The following PRSS12 variants were observed in gnomAD, a reference collection of about 807,000 sequenced individuals.
PRSS12 encodes the protein neurotrypsin.
A neutral mutation model predicts 104.4 loss-of-function variants in PRSS12; 85 were observed. The ratio of observed to expected loss-of-function variants is 0.81; its 90% CI spans 0.68 to 0.98. The LOEUF (loss-of-function observed/expected upper bound fraction) is 0.98, where lower values mean the gene tolerates loss of function less well. PRSS12 is among the 50% of genes least tolerant of loss of function. PRSS12 has a pLI of 0.00. For missense variants in PRSS12, 1,141 were observed against 1,139.2 expected (o/e 1.00, Z -0.02); for synonymous variants, 454 against 425.2 (o/e 1.07, Z -0.83).
At position 118,281,850 on chromosome 4, in the gene PRSS12, TTTG is replaced by T. The variant is rs1369126468; in HGVS notation, c.*83_*85del. 7 of 793,536 alleles carry T rather than the reference TTTG, an allele frequency of 8.8e-6. No individual in the cohort carries two copies. Among genetic ancestry groups the T allele is most frequent in the African/African-American group, 5.1e-5 (3 of 59,354 alleles). The allele number at this position is 793,536 out of a possible 1,614,324, so 49.2% of individuals were successfully genotyped here. ...CACAAAGCAAAAACAGATCTTGCCA[TTTG>T]TTGTCATCTCTGCTGAGTGCTAATA... On this transcript the variant is annotated 3_prime_UTR_variant, in exon 13 of 13. Coordinates refer to ENST00000296498, the MANE Select transcript of PRSS12 (RefSeq NM_003619.4).
intron 6 of PRSS12, among the ~76,000 whole-genome samples, chr4:118,314,109 C>T (rs1187755254): frequency 6.6e-6 from 1 of 152,010 alleles, no homozygotes; most frequent in South Asian, 2.1e-4. Flanking sequence ...CTTCTTTCAT[C>T]CTCCCAATTT....
intron 8 of PRSS12, among the ~76,000 whole-genome samples, chr4:118,302,805 C>T (rs941750976): frequency 3.4e-5 from 4 of 116,804 alleles, no homozygotes; most frequent in Admixed American, 9.1e-5. Context: ...TCTATGTTTA[C>T]TTGTATTGTC....
Position 118,280,735 on chromosome 4 carries a change from C to G in PRSS12, c.*1201G>C, listed in dbSNP as rs565676366. ...AAGGTGCATAGTTAAGCAGCTATCC[C>G]TTAACTCTTGGAGAAATAGCCATAG... On this transcript the variant is annotated 3_prime_UTR_variant, in exon 13 of 13. Coordinates refer to ENST00000296498, the MANE Select transcript of PRSS12 (RefSeq NM_003619.4). 17 of 152,336 alleles carry G rather than the reference C, an allele frequency of 1.1e-4. No homozygotes were observed. In the South Asian group the frequency reaches 3.5e-3, roughly 32 times the overall value. 9.4% of individuals were successfully genotyped at this position (152,336 alleles called of 1,614,324 possible).
Position 118,352,903 on chromosome 4 carries a change from C to G in PRSS12, c.-183G>C. On this transcript the variant is annotated 5_prime_UTR_variant, in exon 1 of 13. Coordinates refer to ENST00000296498, the MANE Select transcript of PRSS12 (RefSeq NM_003619.4). ...CCGCCGCTGGTGCCCTGCCGCGCCT[C>G]GGCTCCTGTCCCCTGGCGGCGGCCG... is the stretch of plus-strand genomic sequence containing the variant. 7.2e-7 allele frequency: 1 copy of G among 1,394,134 alleles called. No individual in the cohort carries two copies. The highest frequency in any genetic ancestry group is 9.3e-7 in the Non-Finnish European group (1 of 1,074,758). 86.4% of individuals were successfully genotyped at this position (1,394,134 alleles called of 1,614,324 possible). A position where few individuals can be genotyped will look rare whatever the true frequency, so the allele number is the denominator to read the frequency against.
Position 118,318,440 on chromosome 4 carries a change from G to C in PRSS12, c.1088C>G (p.Ser363Cys). The C allele has an allele frequency of 6.2e-7, 1 of 1,614,064 alleles. No homozygotes were observed. The highest frequency in any genetic ancestry group is 8.5e-7 in the Non-Finnish European group (1 of 1,179,986). Residue 363 changes from serine (S) to cysteine (C), a missense_variant, in exon 5 of 13, where the codon TCC (serine) becomes TGC (cysteine). Coordinates refer to ENST00000296498, the MANE Select transcript of PRSS12 (RefSeq NM_003619.4). Reference sequence around the variant, plus strand: ...ATGGCCACAGTTATGCTCTCCCCAGGAGCTCTTTGGACACTGCTCAATTGA... The same window carrying C: ...ATGGCCACAGTTATGCTCTCCCCAGCAGCTCTTTGGACACTGCTCAATTGA... ...ELSIEQCPKS[S>C]WGEHNCGHKE...
At chr4:118,339,370 T>A (rs1168257470) in intron 1 of PRSS12, among the ~76,000 whole-genome samples, 1 of 152,354 alleles carries the variant, frequency 6.6e-6, no homozygotes, top group East Asian at 1.9e-4. Flanking sequence ...CAAAGTTATG[T>A]ATGGCTTCAT....
intron 1 of PRSS12, among the ~76,000 whole-genome samples, chr4:118,340,271 C>T (rs1724168856): frequency 6.6e-6 from 1 of 152,212 alleles, no homozygotes; most frequent in South Asian, 2.1e-4. Context: ...ATTCATTTAG[C>T]AGTATCTGCT....
rs767904603 is a variant in PRSS12 at position 118,295,763 on chromosome 4, T to C, written c.1916+15A>G. On this transcript the variant is annotated intron_variant, in intron 10 of 12. Transcript: ENST00000296498. ...ATTCTGTAATATAAAAAATCTCTTT[T>C]GGAGGAACATTTACCTTAAAGAATT... is the stretch of plus-strand genomic sequence containing the variant. 10 of 1,602,894 alleles carry C rather than the reference T, an allele frequency of 6.2e-6. No individual in the cohort carries two copies. The Admixed American group carries it at 1.3e-4, about 21-fold the overall frequency.
At chr4:118,310,157 C>CT (rs1743670473) in intron 7 of PRSS12, among the ~76,000 whole-genome samples, 1 of 152,154 alleles carries the variant, frequency 6.6e-6, no homozygotes, top group Non-Finnish European at 1.5e-5. Context: ...TTTGGGAGTT[C>CT]TTTGCAAGAA....
chr4:118,338,221 C>A lies in PRSS12; in HGVS notation c.596G>T (p.Trp199Leu). 1 of 1,614,056 alleles carries A rather than the reference C, an allele frequency of 6.2e-7. No individual in the cohort carries two copies. Among genetic ancestry groups the A allele is most frequent in the Non-Finnish European group, 8.5e-7 (1 of 1,179,952 alleles). Residue 199 changes from tryptophan (W) to leucine (L), a missense_variant, in exon 2 of 13, where the codon TGG (tryptophan) becomes TTG (leucine). Transcript: ENST00000296498. ...AATGACTGATGCATCAGAATCATCC[C>A]AGTGGCTGCTACAGACAGTGCCCCA... is the stretch of plus-strand genomic sequence containing the variant. The part of the protein sequence containing the change: ...GVWGTVCSSH[W>L]DDSDASVICH...
At chr4:118,346,213 C>T (rs746890550) in intron 1 of PRSS12, among the ~76,000 whole-genome samples, 19 of 152,262 alleles carry the variant, frequency 1.2e-4, no homozygotes, top group East Asian at 1.9e-4. Context: ...GTGTACCATG[C>T]TGGAGTCTGC....
chr4:118,342,133 G>A (rs1724230152), intron 1 of PRSS12, among the ~76,000 whole-genome samples: 1 of 152,098 alleles, frequency 6.6e-6, no homozygotes, highest in Admixed American at 6.6e-5. Flanking sequence ...ATGAACGTGT[G>A]GGTGTACACA....
Position 118,335,668 on chromosome 4 carries a change from C to G in PRSS12, c.642-17G>C. 1 of 1,611,324 alleles carries G rather than the reference C, an allele frequency of 6.2e-7. No individual in the cohort carries two copies. Reference sequence around the variant, plus strand: ...CCTTTTCCTCTGGAAGTACAATGAGCGATATTAGGTTTATCAAATGTAGGC... The same window carrying G: ...CCTTTTCCTCTGGAAGTACAATGAGGGATATTAGGTTTATCAAATGTAGGC... On this transcript the variant is annotated splice_polypyrimidine_tract_variant and intron_variant, in intron 2 of 12. Transcript: ENST00000296498.
chr4:118,334,696 G>A (rs1370937907), intron 3 of PRSS12, among the ~76,000 whole-genome samples: 1 of 152,102 alleles, frequency 6.6e-6, no homozygotes, highest in Non-Finnish European at 1.5e-5. Context: ...TCTTCCCCCT[G>A]ATACTTGTAC....
intron 1 of PRSS12, among the ~76,000 whole-genome samples, chr4:118,340,780 T>C (rs540164132): frequency 1.4e-4 from 22 of 152,278 alleles, no homozygotes; most frequent in Admixed American, 1.4e-3. Context: ...CCCAAAGCTA[T>C]AGGAGATACT....
At chr4:118,307,937 G>A (rs1743599234) in intron 8 of PRSS12, among the ~76,000 whole-genome samples, 1 of 152,022 alleles carries the variant, frequency 6.6e-6, no homozygotes, top group Non-Finnish European at 1.5e-5. Context: ...CTGTAAAAGA[G>A]GACAACTGTT....
intron 9 of PRSS12, among the ~76,000 whole-genome samples, chr4:118,297,654 T>G (rs975583767): frequency 9.2e-5 from 14 of 152,214 alleles, no homozygotes; most frequent in African/African-American, 3.4e-4. Flanking sequence ...TGCATTGTCT[T>G]TGGCAGTTAT....
chr4:118,328,846 T>G (rs1218952454), intron 4 of PRSS12, among the ~76,000 whole-genome samples: 1 of 152,090 alleles, frequency 6.6e-6, no homozygotes, highest in African/African-American at 2.4e-5. Context: ...CAGGCTGGAG[T>G]ACAGTGGTGC....
Position 118,298,599 on chromosome 4 carries a change from C to G in PRSS12, c.1837+134G>C, listed in dbSNP as rs146119699. The G allele has an allele frequency of 4.4e-5, 43 of 982,280 alleles. No individual in the cohort carries two copies. The African/African-American group carries it at 6.6e-4, about 15-fold the overall frequency. 60.8% of individuals were successfully genotyped at this position (982,280 alleles called of 1,614,324 possible). A position where few individuals can be genotyped will look rare whatever the true frequency, so the allele number is the denominator to read the frequency against. ...GCAAGTTTGCCAAGAACTACCGGAT[C>G]TAAGTAATAGCACAAGACATGGATC... is the stretch of plus-strand genomic sequence containing the variant. On this transcript the variant is annotated intron_variant, in intron 9 of 12. Coordinates refer to ENST00000296498, the MANE Select transcript of PRSS12 (RefSeq NM_003619.4).
Sources: allele counts gnomAD v4.1 joint callset (sites outside exome capture counted in the v4.1 genomes callset), GRCh38; gene constraint gnomAD v4.1.1; transcripts MANE v1.5; gene names NCBI Gene and HGNC (gene_info 2026-07-23, HGNC 2026-07-21).